SRBD1: variants seen among roughly 807,000 people sequenced by gnomAD.
SRBD1 encodes S1 RNA-binding domain-containing protein 1.
In SRBD1, 88 loss-of-function variants were observed where a neutral mutation model predicts 115.3. The observed-to-expected ratio is 0.76, with a 90% CI of 0.64 to 0.91. SRBD1 has a LOEUF of 0.91. Ranked by LOEUF, SRBD1 falls within the 40% of genes least tolerant of loss-of-function variation. SRBD1 has a pLI of 0.00. For missense variants in SRBD1, 1,385 were observed against 1,177.4 expected (o/e 1.18, Z -2.58); for synonymous variants, 509 against 407.7 (o/e 1.25, Z -2.99).
intron 16 of SRBD1, among the ~76,000 whole-genome samples, chr2:45,425,301 C>A (rs999201052): frequency 1.3e-5 from 2 of 152,164 alleles, no homozygotes; most frequent in African/African-American, 4.8e-5. Context: ...TAGCACGTAA[C>A]TGAATCCTCA....
intron 14 of SRBD1, chr2:45,546,264 A>G (rs1672116208): frequency 6.1e-6 from 6 of 985,308 alleles, no homozygotes; most frequent in Non-Finnish European, 6.0e-6. Flanking sequence ...TTTGTGACCA[A>G]GGGATAAATG....
intron 4 of SRBD1, among the ~76,000 whole-genome samples, chr2:45,596,138 C>G (rs1280539365): frequency 6.6e-6 from 1 of 152,174 alleles, no homozygotes; most frequent in Non-Finnish European, 1.5e-5. Flanking sequence ...AGTCACTATT[C>G]CCACAACACA....
At chr2:45,595,946 C>T (rs972921743) in intron 4 of SRBD1, among the ~76,000 whole-genome samples, 1 of 152,054 alleles carries the variant, frequency 6.6e-6, no homozygotes, top group African/African-American at 2.4e-5. Context: ...GCAAGGAGTG[C>T]CCAGATTCTC....
chr2:45,569,255 A>T (rs565421964), intron 9 of SRBD1: 1 of 152,338 alleles, frequency 6.6e-6, no homozygotes, highest in African/African-American at 2.4e-5. Flanking sequence ...CACAGGAGCA[A>T]TCCCACTACT....
At chr2:45,531,531 G>A (rs1344631455) in intron 14 of SRBD1, among the ~76,000 whole-genome samples, 1 of 149,350 alleles carries the variant, frequency 6.7e-6, no homozygotes, top group Non-Finnish European at 1.5e-5. Flanking sequence ...TTCAGATTAA[G>A]AAAGTTCTAC....
chr2:45,595,393 T>C (rs1338270719), intron 4 of SRBD1, among the ~76,000 whole-genome samples: 1 of 152,224 alleles, frequency 6.6e-6, no homozygotes, highest in Non-Finnish European at 1.5e-5. Flanking sequence ...TTCCATACAA[T>C]TAAGTTTCAC....
At chr2:45,496,937 G>A (rs1341984305) in intron 14 of SRBD1, among the ~76,000 whole-genome samples, 2 of 152,146 alleles carry the variant, frequency 1.3e-5, no homozygotes, top group African/African-American at 2.4e-5. Context: ...GAAAACACAT[G>A]CTATGTACAG....
intron 16 of SRBD1, among the ~76,000 whole-genome samples, chr2:45,426,755 AG>A (rs1322803885): frequency 6.6e-6 from 1 of 152,224 alleles, no homozygotes; most frequent in African/African-American, 2.4e-5. Context: ...CCTGCAGCAG[AG>A]GGGCCTATTA....
intron 10 of SRBD1, among the ~76,000 whole-genome samples, chr2:45,556,932 G>A (rs1355378866): frequency 2.0e-5 from 3 of 152,092 alleles, no homozygotes; most frequent in East Asian, 3.9e-4. Context: ...TGCTGCTGCT[G>A]CTGCTGTTAT....
At chr2:45,442,521 A>C (rs919897929) in intron 16 of SRBD1, among the ~76,000 whole-genome samples, 1 of 152,190 alleles carries the variant, frequency 6.6e-6, no homozygotes, top group African/African-American at 2.4e-5. Context: ...AGAAAATACA[A>C]ATTGAAGAAT....
At chr2:45,493,453 C>A (rs945363222) in intron 14 of SRBD1, among the ~76,000 whole-genome samples, 12 of 152,230 alleles carry the variant, frequency 7.9e-5, no homozygotes, top group Middle Eastern at 3.4e-3. Flanking sequence ...ATTTTAAATT[C>A]TTTTATGTAA....
intron 15 of SRBD1, among the ~76,000 whole-genome samples, chr2:45,478,337 C>T (rs562324806): frequency 2.0e-5 from 3 of 152,346 alleles, no homozygotes; most frequent in African/African-American, 7.2e-5. Context: ...TGTACCACTT[C>T]TCTAATCAGA....
intron 16 of SRBD1, among the ~76,000 whole-genome samples, chr2:45,474,699 T>C (rs1324740306): frequency 1.3e-5 from 2 of 152,230 alleles, no homozygotes; most frequent in Non-Finnish European, 2.9e-5. Context: ...ATGATCTGTA[T>C]ATGTTTTGAA....
chr2:45,521,976 A>G (rs1264263000), intron 14 of SRBD1, among the ~76,000 whole-genome samples: 2 of 151,930 alleles, frequency 1.3e-5, no homozygotes, highest in African/African-American at 4.8e-5. Flanking sequence ...TCCCAAAAAA[A>G]GAAAGAAAGA....
chr2:45,561,573 T>C (rs144248212), intron 10 of SRBD1, among the ~76,000 whole-genome samples: 1 of 152,338 alleles, frequency 6.6e-6, no homozygotes, highest in Non-Finnish European at 1.5e-5. Context: ...TAGCTGGTGA[T>C]GAACTTTATC....
At chr2:45,463,701 T>C (rs1482194370) in intron 16 of SRBD1, among the ~76,000 whole-genome samples, 1 of 152,202 alleles carries the variant, frequency 6.6e-6, no homozygotes, top group Non-Finnish European at 1.5e-5. Context: ...TATCCACATA[T>C]AATTATATCC....
At chr2:45,421,148 C>T (rs1667986452) in intron 16 of SRBD1, among the ~76,000 whole-genome samples, 1 of 152,174 alleles carries the variant, frequency 6.6e-6, no homozygotes, top group Non-Finnish European at 1.5e-5. Flanking sequence ...TGATTTACCA[C>T]AGGGACAACA....
At chr2:45,397,565 G>C (rs1667181165) in intron 19 of SRBD1, among the ~76,000 whole-genome samples, 1 of 152,134 alleles carries the variant, frequency 6.6e-6, no homozygotes, top group African/African-American at 2.4e-5. Context: ...AAATCAAAGG[G>C]ACAGCAATGT....
intron 14 of SRBD1, among the ~76,000 whole-genome samples, chr2:45,502,038 C>A (rs1247738492): frequency 6.6e-6 from 1 of 152,166 alleles, no homozygotes; most frequent in South Asian, 2.1e-4. Flanking sequence ...GAGGCACCCC[C>A]CAGTAGGGGC....
Sources: gnomAD v4.1 joint callset for allele counts (sites outside exome capture counted in the v4.1 genomes callset) on GRCh38, gnomAD v4.1.1 for gene constraint, MANE v1.5 for transcripts, NCBI Gene and HGNC (gene_info 2026-07-23, HGNC 2026-07-21) for gene names.